SEC23B: variants seen among roughly 807,000 people sequenced by gnomAD.
SEC23B encodes SEC23 homolog B, COPII component.
SEC23B carries 77 observed loss-of-function variants against 104.3 expected under a neutral mutation model. That is an observed-to-expected ratio of 0.74 (90% CI 0.61 to 0.89). SEC23B has a LOEUF of 0.89. Ranked by LOEUF, SEC23B falls within the 40% of genes least tolerant of loss-of-function variation. The pLI, the probability that SEC23B is intolerant of heterozygous loss-of-function variation, is 0.00. For synonymous variants in SEC23B, 338 were observed against 332.5 expected, an observed-to-expected ratio of 1.02 and a Z score of -0.18; for missense variants, 885 against 949.4, an observed-to-expected ratio of 0.93 and a Z score of 0.89.
intron 15 of SEC23B, among the ~76,000 whole-genome samples, chr20:18,547,001 C>G (rs546857205): frequency 1.3e-5 from 2 of 148,742 alleles, no homozygotes; most frequent in Admixed American, 1.4e-4. Flanking sequence ...AGAGTTGGTG[C>G]TTCTCTGGTT....
Position 18,543,001 on chromosome 20 carries a change from T to G in SEC23B, c.1512-18T>G. On this transcript the variant is annotated intron_variant, in intron 13 of 19. Coordinates refer to ENST00000650089, the MANE Select transcript of SEC23B (RefSeq NM_006363.6). ...TCTCTCCTAAACATAAGCATGGCAC[T>G]AACTCTGGAATTGTCAGTTGGGCAG... The G allele has an allele frequency of 6.2e-7, 1 of 1,614,146 alleles. No homozygotes were observed. Among genetic ancestry groups the G allele is most frequent in the Non-Finnish European group, 8.5e-7 (1 of 1,179,996 alleles).
At chr20:18,515,762 G>A (rs1295707544) in intron 4 of SEC23B, 26 bp downstream of exon 4, 3 of 1,323,004 alleles carry the variant, frequency 2.3e-6, no homozygotes, top group South Asian at 2.3e-5. Flanking sequence ...TGCATTTAAT[G>A]AGCAATGTTA....
At chr20:18,527,390 G>T (rs2060143163) in intron 8 of SEC23B, 106 bp from the exon 9 acceptor site, 1 of 795,974 alleles carries the variant, frequency 1.3e-6, no homozygotes, top group South Asian at 1.3e-5. Context: ...AAAGAGAAAA[G>T]AAAATGATTT....
intron 7 of SEC23B, 124 bp from the exon 8 acceptor site, chr20:18,526,249 C>A: frequency 9.1e-7 from 1 of 1,101,312 alleles, no homozygotes; most frequent in Non-Finnish European, 1.4e-6. Context: ...TATTATTCTG[C>A]ATTATCACCA....
At chr20:18,523,784 A>T (rs2060108353) in intron 4 of SEC23B, among the ~76,000 whole-genome samples, 1 of 151,444 alleles carries the variant, frequency 6.6e-6, no homozygotes, top group South Asian at 2.1e-4. Context: ...AGCTTACTGC[A>T]GCCTCAAATT....
At chr20:18,536,430 C>T (rs911648854) in intron 12 of SEC23B, among the ~76,000 whole-genome samples, 21 of 152,186 alleles carry the variant, frequency 1.4e-4, no homozygotes, top group Admixed American at 2.0e-4. Context: ...CTGTGGCTCA[C>T]GCCTGTAATC....
Position 18,526,493 on chromosome 20 carries a change from G to A in SEC23B, c.955G>A (p.Glu319Lys), listed in dbSNP as rs139458425. Residue 319 changes from glutamate (E) to lysine (K), a missense_variant, in exon 8 of 20, where the codon GAG becomes AAG. Transcript: ENST00000650089. The part of the protein sequence containing the change: ...KIPIRSWHDI[E>K]KDNARFMKKA... Reference sequence around the variant, plus strand: ...TCCTATTCGTTCTTGGCATGATATTGAGAAAGATAATGCACGATTCATGAA... The same window carrying A: ...TCCTATTCGTTCTTGGCATGATATTAAGAAAGATAATGCACGATTCATGAA... 2 of 1,614,172 alleles carry A rather than the reference G, an allele frequency of 1.2e-6. No homozygotes were observed. The highest frequency in any genetic ancestry group is 1.7e-6 in the Non-Finnish European group (2 of 1,180,022).
chr20:18,530,790 C>A lies in SEC23B; in HGVS notation c.1220C>A (p.Thr407Asn). Reference sequence around the variant, plus strand: ...GATTTCCGAATGGCATTTGGTGCTACTTTGGACGTAAAGGTACGGTAAACT... The same window carrying A: ...GATTTCCGAATGGCATTTGGTGCTAATTTGGACGTAAAGGTACGGTAAACT... The part of the protein sequence containing the change: ...NGDFRMAFGA[T>N]LDVKTSRELK... Residue 407 changes from threonine (T) to asparagine (N), a missense_variant, in exon 10 of 20, where the codon ACT becomes AAT. Coordinates refer to ENST00000650089, the MANE Select transcript of SEC23B (RefSeq NM_006363.6). The A allele has an allele frequency of 6.2e-7, 1 of 1,603,800 alleles. No homozygotes were observed. The highest frequency in any genetic ancestry group is 8.5e-7 in the Non-Finnish European group (1 of 1,174,246).
chr20:18,528,767 G>C (rs937343885), intron 9 of SEC23B, among the ~76,000 whole-genome samples: 3 of 152,210 alleles, frequency 2.0e-5, no homozygotes, highest in African/African-American at 7.2e-5. Flanking sequence ...TTCTGACTCG[G>C]AATGTCCATA....
At position 18,548,637 on chromosome 20, in the gene SEC23B, T is replaced by G; in HGVS notation, c.1772T>G (p.Phe591Cys). ...QFMFHLRRSP[F>C]LQVFNNSPDE... ...ATGTTCCATCTGAGAAGATCTCCAT[T>G]TCTTCAAGTGTTTAACAACAGTCCT... Residue 591 changes from phenylalanine (F) to cysteine (C), a missense_variant, in exon 16 of 20, where the codon TTT becomes TGT. Phe to Cys is a radical substitution (Grantham distance 205). Coordinates refer to ENST00000650089, the MANE Select transcript of SEC23B (RefSeq NM_006363.6). The G allele has an allele frequency of 6.2e-7, 1 of 1,614,104 alleles. No individual in the cohort carries two copies.
rs772896622 is a variant in SEC23B at position 18,532,684 on chromosome 20, T to G, written c.1254T>G (p.Ile418Met). The G allele has an allele frequency of 1.2e-5, 19 of 1,613,740 alleles. No homozygotes were observed. The highest frequency in any genetic ancestry group is 3.3e-4 in the Middle Eastern group (2 of 6,084). Residue 418 changes from isoleucine (I) to methionine (M), a missense_variant, in exon 11 of 20, where the codon ATT becomes ATG. Physicochemically the swap from Ile to Met is conservative, Grantham distance 10. Transcript: ENST00000650089. The stretch of plus-strand genomic sequence containing the variant: ...TATAGACCTCTCGGGAACTGAAGAT[T>G]GCAGGAGCCATTGGTCCATGCGTAT... ...LDVKTSRELKIAGAIGPCVSL... is the reference protein window; with the variant it reads ...LDVKTSRELKMAGAIGPCVSL...
chr20:18,547,460 C>T (rs1311392751), intron 15 of SEC23B, among the ~76,000 whole-genome samples: 2 of 152,180 alleles, frequency 1.3e-5, no homozygotes, highest in Admixed American at 6.5e-5. Flanking sequence ...AGCTCATTTT[C>T]GTGTTCTGGC....
chr20:18,514,471 A>G (rs531118771), intron 3 of SEC23B, among the ~76,000 whole-genome samples: 19 of 152,170 alleles, frequency 1.2e-4, no homozygotes, highest in African/African-American at 4.6e-4. Flanking sequence ...TTCTCTCCCA[A>G]CCAGAGGCCC....
chr20:18,513,861 G>A (rs1050617143), intron 3 of SEC23B, among the ~76,000 whole-genome samples: 1 of 152,200 alleles, frequency 6.6e-6, no homozygotes, highest in Non-Finnish European at 1.5e-5. Flanking sequence ...GACTGCCTGG[G>A]TTTGGCTCTC....
intron 11 of SEC23B, among the ~76,000 whole-genome samples, chr20:18,535,202 C>G (rs1389958707): frequency 6.6e-6 from 1 of 150,890 alleles, no homozygotes; most frequent in Non-Finnish European, 1.5e-5. Flanking sequence ...ACCCACCCCC[C>G]CCCACACACA....
intron 12 of SEC23B, among the ~76,000 whole-genome samples, chr20:18,540,377 G>T (rs889607919): frequency 6.6e-6 from 1 of 152,166 alleles, no homozygotes; most frequent in Non-Finnish European, 1.5e-5. Context: ...TTTGAAAGGA[G>T]TCTTTTTTTT....
chr20:18,560,483 T>C (rs1372673326), intron 19 of SEC23B, among the ~76,000 whole-genome samples, 168 bp from the exon 20 acceptor site: 2 of 152,200 alleles, frequency 1.3e-5, no homozygotes, highest in Non-Finnish European at 2.9e-5. Flanking sequence ...GAGGAAATTG[T>C]GCTTTAGTCA....
chr20:18,509,686 C>G (rs61510898), intron 1 of SEC23B: 15,089 of 152,168 alleles, frequency 0.099, 936 homozygotes, highest in East Asian at 0.27. Context: ...CTCCCGAGTT[C>G]AGACGATTCT....
intron 10 of SEC23B, 105 bp from the exon 11 acceptor site, chr20:18,532,559 G>C: frequency 1.2e-6 from 1 of 866,574 alleles, no homozygotes; most frequent in Non-Finnish European, 2.0e-6. Context: ...TCTCTTGGCA[G>C]AATAGTAGTG....
Sources: allele counts gnomAD v4.1 joint callset (sites outside exome capture counted in the v4.1 genomes callset), GRCh38; gene constraint gnomAD v4.1.1; transcripts MANE v1.5; gene names NCBI Gene and HGNC (gene_info 2026-07-23, HGNC 2026-07-21).